The following RHO variants were observed in gnomAD, a reference collection of about 807,000 sequenced individuals.
The protein encoded by RHO is opsin 2, rod pigment.
Under a neutral mutation model 31.2 loss-of-function variants are expected in RHO, and 21 were observed. That is an observed-to-expected ratio of 0.67 (90% CI 0.48 to 0.97). The LOEUF is 0.97. RHO is among the 50% of genes least tolerant of loss of function. RHO has a pLI of 0.00. For synonymous variants in RHO, 211 were observed against 196.6 expected, an observed-to-expected ratio of 1.07 and a Z score of -0.61; for missense variants, 414 against 479.5, an observed-to-expected ratio of 0.86 and a Z score of 1.28.
At position 129,532,168 on chromosome 3, in the gene RHO, C is replaced by T; in HGVS notation, c.531-83C>T. On this transcript the variant is annotated intron_variant, in intron 2 of 4. Coordinates refer to ENST00000296271, the MANE Select transcript of RHO (RefSeq NM_000539.3). This position sits in a 1 kb window ranked among gnomAD's most constrained non-coding sequence, Gnocchi z 5.5. ...TTTTCCAGGGAGGGAATGTGAAGCC[C>T]CAGAAAGGGCCAGCGCTCGGCAGCC... 9.0e-7 allele frequency: 1 copy of T among 1,116,800 alleles called. No homozygotes were observed. The allele number at this position is 1,116,800 out of a possible 1,614,324, so 69.2% of individuals were successfully genotyped here.
At position 129,533,650 on chromosome 3, in the gene RHO, C is replaced by G. The variant is rs749663446; in HGVS notation, c.979C>G (p.Pro327Ala). The change falls in exon 5 of 5, where the codon CCA (proline) becomes GCA (alanine). Residue 327 changes from proline (P) to alanine (A), a missense_variant. Transcript: ENST00000296271. ...CACCACCATCTGCTGCGGCAAGAAC[C>G]CACTGGGTGACGATGAGGCCTCTGC... ...MLTTICCGKN[P>A]LGDDEASATV... is the part of the protein sequence containing the mutation. 6.2e-7 allele frequency: 1 copy of G among 1,614,126 alleles called. No homozygotes were observed. Among genetic ancestry groups the G allele is most frequent in the East Asian group, 2.2e-5 (1 of 44,862 alleles).
intron 1 of RHO, among the ~76,000 whole-genome samples, chr3:129,530,166 GGTT>G (rs1200179703): frequency 6.6e-6 from 1 of 152,164 alleles, no homozygotes; most frequent in East Asian, 1.9e-4. Flanking sequence ...ACTTACGGGT[GGTT>G]GTTCTCTGCA....
intron 4 of RHO, 82 bp from the exon 5 acceptor site, chr3:129,533,526 G>A (rs1256072074): frequency 9.6e-7 from 1 of 1,037,704 alleles, no homozygotes; most frequent in African/African-American, 1.6e-5. Context: ...CAGGCAAAGG[G>A]TCGGGGCGAA....
At chr3:129,533,271 C>T (rs1236711758) in intron 4 of RHO, among the ~76,000 whole-genome samples, 1 of 152,202 alleles carries the variant, frequency 6.6e-6, no homozygotes, top group African/African-American at 2.4e-5. Context: ...CAATTTCCTT[C>T]TCTGTGCTTT....
rs367631575 is a variant in RHO, at chr3:129,532,522, G to A, written c.697-11G>A. 1.6e-4 allele frequency: 266 copies of A among 1,614,002 alleles called. No homozygotes were observed. Among genetic ancestry groups the A allele is most frequent in the Non-Finnish European group, 2.2e-4 (256 of 1,180,026 alleles). On this transcript the variant is annotated splice_polypyrimidine_tract_variant and intron_variant, in intron 3 of 4. Coordinates refer to ENST00000296271, the MANE Select transcript of RHO (RefSeq NM_000539.3). This position sits in a 1 kb window ranked among gnomAD's most constrained non-coding sequence, Gnocchi z 5.5. ...GAGCCATGGTCTGGACCCGGGTCCC[G>A]TGTCCTGCAGGCCGCTGCCCAGCAG... is the stretch of plus-strand genomic sequence containing the variant.
rs543521798 is a variant in RHO at position 129,533,602 on chromosome 3, T to C, written c.937-6T>C. 6.2e-7 allele frequency: 1 copy of C among 1,610,336 alleles called. No homozygotes were observed. Among genetic ancestry groups the C allele is most frequent in the East Asian group, 2.2e-5 (1 of 44,842 alleles). ...CTGGCCCTGACTCAAGCCTCTTGCC[T>C]TCCAGTTCCGGAACTGCATGCTCAC... is the stretch of plus-strand genomic sequence containing the variant. On this transcript the variant is annotated splice_region_variant and splice_polypyrimidine_tract_variant and intron_variant, in intron 4 of 4. Coordinates refer to ENST00000296271, the MANE Select transcript of RHO (RefSeq NM_000539.3).
rs1461270517 is a variant in RHO, at chr3:129,531,032, C to A, written c.518C>A (p.Ala173Asp). 3 of 1,613,804 alleles carry A rather than the reference C, an allele frequency of 1.9e-6. No homozygotes were observed. In the African/African-American group the frequency reaches 4.0e-5, roughly 22 times the overall value. The change falls in exon 2 of 5, where the codon GCC (alanine) becomes GAC (aspartate). Residue 173 changes from alanine to aspartate, a missense_variant. Ala to Asp is a moderately radical substitution (Grantham distance 126). Transcript: ENST00000296271. The stretch of plus-strand genomic sequence containing the variant: ...CTGGCCTGCGCCGCACCCCCACTCG[C>A]CGGCTGGTCCAGGTAATGGCACTGA... ...MALACAAPPL[A>D]GWSRYIPEGL...
At chr3:129,529,654 C>T (rs1249104278) in intron 1 of RHO, among the ~76,000 whole-genome samples, 6 of 152,212 alleles carry the variant, frequency 3.9e-5, no homozygotes. Context: ...CCTCTGCCTC[C>T]CCTCTCAGCC....
In RHO at chr3:129,533,762, C is replaced by G; in HGVS notation, c.*44C>G. On this transcript the variant is annotated 3_prime_UTR_variant, in exon 5 of 5. Coordinates refer to ENST00000296271, the MANE Select transcript of RHO (RefSeq NM_000539.3). ...TGGCCGACTATAGGCGTCTCCCATC[C>G]CCTACACCTTCCCCCAGCCACAGCC... 1 of 1,317,790 alleles carries G rather than the reference C, an allele frequency of 7.6e-7. No homozygotes were observed. The allele number at this position is 1,317,790 out of a possible 1,614,324, so 81.6% of individuals were successfully genotyped here.
At position 129,533,777 on chromosome 3, in the gene RHO, C is replaced by A. The variant is rs2084802282; in HGVS notation, c.*59C>A. On this transcript the variant is annotated 3_prime_UTR_variant, in exon 5 of 5. Transcript: ENST00000296271. ...GTCTCCCATCCCCTACACCTTCCCCCAGCCACAGCCATCCCACCAGGAGCA... is the reference window on the plus strand; with the variant it reads ...GTCTCCCATCCCCTACACCTTCCCCAAGCCACAGCCATCCCACCAGGAGCA... 1 of 1,134,116 alleles carries A rather than the reference C, an allele frequency of 8.8e-7. No homozygotes were observed. The allele number at this position is 1,134,116 out of a possible 1,614,324, so 70.3% of individuals were successfully genotyped here.
rs1553781099 is a variant in RHO at position 129,530,533 on chromosome 3, A to ACACAC, written c.362-343_362-342insCACAC. Among the ~76,000 whole-genome samples, 759 of 122,890 alleles carry ACACAC rather than the reference A, an allele frequency of 6.2e-3. 13 individuals carry two copies. Among genetic ancestry groups the ACACAC allele is most frequent in the African/African-American group, 0.027 (670 of 24,550 alleles). The allele number at this position is 122,890 out of a possible 152,430, so 80.6% of individuals were successfully genotyped here. ...CACACACACACACACACACACACAC[A>ACACAC]ACACACACACACACACACACACACA... On this transcript the variant is annotated intron_variant, in intron 1 of 4. Transcript: ENST00000296271.
At position 129,532,822 on chromosome 3, in the gene RHO, C is replaced by A; in HGVS notation, c.936+50C>A. 1.2e-6 allele frequency: 2 copies of A among 1,610,490 alleles called. No homozygotes were observed. The highest frequency in any genetic ancestry group is 2.2e-5 in the East Asian group (1 of 44,884). On this transcript the variant is annotated intron_variant, in intron 4 of 4. Coordinates refer to ENST00000296271, the MANE Select transcript of RHO (RefSeq NM_000539.3). The surrounding 1 kb of genome is among the most constrained non-coding windows in gnomAD (Gnocchi z 5.5). ...CCAGTGCCCCAGGCCACAGGCGCTG[C>A]CTGCCAAGGACAAGCTACTTCCCAG...
chr3:129,530,997 G>C lies in RHO; in HGVS notation c.483G>C (p.Trp161Cys), dbSNP rs759406789. The C allele has an allele frequency of 6.2e-7, 1 of 1,614,222 alleles. No homozygotes were observed. The highest frequency in any genetic ancestry group is 1.1e-5 in the South Asian group (1 of 91,092). The change falls in exon 2 of 5, where the codon TGG becomes TGC. Residue 161 changes from tryptophan to cysteine, a missense_variant. Trp to Cys is a radical substitution (Grantham distance 215, BLOSUM62 -2). Coordinates refer to ENST00000296271, the MANE Select transcript of RHO (RefSeq NM_000539.3). ...CCATCATGGGCGTTGCCTTCACCTG[G>C]GTCATGGCGCTGGCCTGCGCCGCAC... ...NHAIMGVAFT[W>C]VMALACAAPP... is the part of the protein sequence containing the mutation.
intron 4 of RHO, among the ~76,000 whole-genome samples, chr3:129,533,246 T>A (rs2084798355): frequency 6.6e-6 from 1 of 152,240 alleles, no homozygotes. Context: ...TCTAGCTGTA[T>A]GGCCCTGGGC....
In RHO at chr3:129,528,747, A is replaced by G. The variant is rs144270441; in HGVS notation, c.14A>G (p.Glu5Gly). ...AGGGCCACAGCCATGAATGGCACAG[A>G]AGGCCCTAACTTCTACGTGCCCTTC... Reference protein sequence around the residue: MNGTEGPNFYVPFSN... With the variant: MNGTGGPNFYVPFSN... The change falls in exon 1 of 5, where the codon GAA becomes GGA. Residue 5 changes from glutamate (E) to glycine (G), a missense_variant. Transcript: ENST00000296271. 6 of 1,614,038 alleles carry G rather than the reference A, an allele frequency of 3.7e-6. No homozygotes were observed. The highest frequency in any genetic ancestry group is 4.2e-6 in the Non-Finnish European group (5 of 1,180,042).
In RHO at chr3:129,535,068, T is replaced by G. The variant is rs1383053992; in HGVS notation, c.*1350T>G. On this transcript the variant is annotated 3_prime_UTR_variant, in exon 5 of 5. Transcript: ENST00000296271. ...AAGCTGCCTCAGTAACTGCTCCCCC[T>G]TCTCCATATAAGCAAAGCCAGAAGC... 1 of 152,662 alleles carries G rather than the reference T, an allele frequency of 6.6e-6. No individual in the cohort carries two copies. The highest frequency in any genetic ancestry group is 1.5e-5 in the Non-Finnish European group (1 of 68,048). 9.5% of individuals were successfully genotyped at this position (152,662 alleles called of 1,614,324 possible). A position where few individuals can be genotyped will look rare whatever the true frequency, so the allele number is the denominator to read the frequency against.
Position 129,532,804 on chromosome 3 carries a change from C to A in RHO, c.936+32C>A. 1.2e-6 allele frequency: 2 copies of A among 1,612,912 alleles called. No homozygotes were observed. The highest frequency in any genetic ancestry group is 1.7e-6 in the Non-Finnish European group (2 of 1,180,018). On this transcript the variant is annotated intron_variant, in intron 4 of 4. Transcript: ENST00000296271. The surrounding 1 kb of genome is among the most constrained non-coding windows in gnomAD (Gnocchi z 5.5). ...ACTGCGGGTGGGAGGGCCCCAGTGC[C>A]CCAGGCCACAGGCGCTGCCTGCCAA...
intron 1 of RHO, among the ~76,000 whole-genome samples, chr3:129,529,380 C>T (rs1375588335): frequency 2.0e-5 from 3 of 152,248 alleles, no homozygotes; most frequent in African/African-American, 4.8e-5. Flanking sequence ...AGAAGTCAAG[C>T]GCCCTGCTGG....
Position 129,529,499 on chromosome 3 carries a change from G to C in RHO, c.361+405G>C, listed in dbSNP as rs2084761924. Among the ~76,000 whole-genome samples the C allele has an allele frequency of 2.6e-5, 4 of 152,234 alleles. No individual in the cohort carries two copies. In the South Asian group the frequency reaches 8.3e-4, roughly 31 times the overall value. ...CCCTTGGAGCAGCTGTGCTGAGTCA[G>C]ACCCAGGCTGGGCACTGAGGGAGAG... is the stretch of plus-strand genomic sequence containing the variant. On this transcript the variant is annotated intron_variant, in intron 1 of 4. Transcript: ENST00000296271.
Sources: allele counts gnomAD v4.1 joint callset (sites outside exome capture counted in the v4.1 genomes callset), GRCh38; gene constraint gnomAD v4.1.1; non-coding constraint Gnocchi (gnomAD v3.1); transcripts MANE v1.5; gene names NCBI Gene and HGNC (gene_info 2026-07-23, HGNC 2026-07-21).